The following SMIM14 variants were observed in gnomAD, a reference collection of about 807,000 sequenced individuals.
SMIM14 encodes the protein small integral membrane protein 14.
A neutral mutation model predicts 12.6 loss-of-function variants in SMIM14; 5 were observed. The observed-to-expected ratio is 0.40, with a 90% CI of 0.21 to 0.83. The LOEUF is 0.83. SMIM14 is among the 40% of genes least tolerant of loss of function. SMIM14 has a pLI of 0.37. For missense variants in SMIM14, 86 were observed against 119.1 expected, an observed-to-expected ratio of 0.72 and a Z score of 1.29; for synonymous variants, 30 against 40.1, an observed-to-expected ratio of 0.75 and a Z score of 0.95.
In SMIM14 at chr4:39,572,457, G is replaced by GTAGT; in HGVS notation, c.81_82insACTA (p.Gln28ThrfsTer22). 6.2e-7 allele frequency: 1 copy of GTAGT among 1,609,230 alleles called. No homozygotes were observed. Among genetic ancestry groups the GTAGT allele is most frequent in the Non-Finnish European group, 8.5e-7 (1 of 1,176,884 alleles). ...GTGTCTGTGCAGTAGGACTGGGACT[G>GTAGT]CCGTAACTACAATGAATAAGAAAGG... is the stretch of plus-strand genomic sequence containing the variant. On this transcript the variant is annotated frameshift_variant, in exon 3 of 5. Transcript: ENST00000295958. LOFTEE classifies it high-confidence loss of function.
At chr4:39,601,399 CAA>C (rs1442725308) in intron 2 of SMIM14, among the ~76,000 whole-genome samples, 2 of 152,108 alleles carry the variant, frequency 1.3e-5, no homozygotes, top group Non-Finnish European at 2.9e-5. Flanking sequence ...TACTCTATTA[CAA>C]AGATGAATTA....
intron 3 of SMIM14, among the ~76,000 whole-genome samples, chr4:39,559,048 A>G (rs1260934637): frequency 6.6e-6 from 1 of 152,186 alleles, no homozygotes; most frequent in Non-Finnish European, 1.5e-5. Flanking sequence ...GCTGTAACCA[A>G]GCTATCCACT....
chr4:39,614,221 G>A (rs1480270948), intron 1 of SMIM14, among the ~76,000 whole-genome samples: 1 of 149,220 alleles, frequency 6.7e-6, no homozygotes, highest in African/African-American at 2.5e-5. Context: ...CAAAATAATC[G>A]AGGAGCAGTA....
rs1473810150 is a variant in SMIM14 at position 39,619,750 on chromosome 4, TTTATTA to T, written c.-35-14576_-35-14571del. ...TAATTATATATATCAATAAATATAA[TTTATTA>T]TATATATATCAATAAATAATTTATT... On this transcript the variant is annotated intron_variant, in intron 1 of 4. Coordinates refer to ENST00000295958, the MANE Select transcript of SMIM14 (RefSeq NM_174921.3). 2.0e-3 allele frequency among the ~76,000 whole-genome samples: 82 copies of T among 40,834 alleles called. 2 individuals are homozygous for T. Among genetic ancestry groups the T allele is most frequent in the African/African-American group, 4.0e-3 (54 of 13,634 alleles). 26.8% of individuals were successfully genotyped at this position (40,834 alleles called of 152,430 possible). A position where few individuals can be genotyped will look rare whatever the true frequency, so the allele number is the denominator to read the frequency against.
rs1168446466 is a variant in SMIM14, at chr4:39,567,143, G to GAA, written c.124+5270_124+5271dup. On this transcript the variant is annotated intron_variant, in intron 3 of 4. Coordinates refer to ENST00000295958, the MANE Select transcript of SMIM14 (RefSeq NM_174921.3). The stretch of plus-strand genomic sequence containing the variant: ...AGAGCAAAACTCCATCTCAAAAAAA[G>GAA]AAAAAAAAAAAAAAAAAAAAAAAAA... Among the ~76,000 whole-genome samples, 199 of 72,114 alleles carry GAA rather than the reference G, an allele frequency of 2.8e-3. 2 individuals carry two copies. The highest frequency in any genetic ancestry group is 7.9e-3 in the African/African-American group (162 of 20,442). The allele number at this position is 72,114 out of a possible 152,430, so 47.3% of individuals were successfully genotyped here.
At chr4:39,623,987 C>A (rs1715599718) in intron 1 of SMIM14, among the ~76,000 whole-genome samples, 1 of 152,090 alleles carries the variant, frequency 6.6e-6, no homozygotes, top group Non-Finnish European at 1.5e-5. Context: ...AGAACGTATG[C>A]AATTAGTTTT....
At chr4:39,636,820 G>T (rs1052830351) in intron 1 of SMIM14, among the ~76,000 whole-genome samples, 8 of 152,082 alleles carry the variant, frequency 5.3e-5, no homozygotes, top group Non-Finnish European at 1.0e-4. Flanking sequence ...GGCACAGTAA[G>T]AGACTGACAA....
chr4:39,562,712 G>A (rs1241298155), intron 3 of SMIM14, among the ~76,000 whole-genome samples: 1 of 151,622 alleles, frequency 6.6e-6, no homozygotes, highest in African/African-American at 2.4e-5. Context: ...TCACTATGTT[G>A]CCCAGGCTGA....
At chr4:39,631,402 T>C (rs1253271892) in intron 1 of SMIM14, among the ~76,000 whole-genome samples, 2 of 151,326 alleles carry the variant, frequency 1.3e-5, no homozygotes, top group South Asian at 2.1e-4. Flanking sequence ...CTCATGCCTA[T>C]AATCCCAGCA....
At chr4:39,609,562 G>C (rs1338037897) in intron 1 of SMIM14, among the ~76,000 whole-genome samples, 1 of 152,176 alleles carries the variant, frequency 6.6e-6, no homozygotes, top group Non-Finnish European at 1.5e-5. Flanking sequence ...AGTATGACAT[G>C]TTGGAGGAAC....
intron 1 of SMIM14, among the ~76,000 whole-genome samples, chr4:39,610,670 G>T (rs949031402): frequency 2.0e-5 from 3 of 149,410 alleles, no homozygotes; most frequent in Non-Finnish European, 4.4e-5. Context: ...ACTCTAGCCT[G>T]AGTGACAGAA....
chr4:39,625,110 C>T (rs59580310), intron 1 of SMIM14, among the ~76,000 whole-genome samples: 10,785 of 147,398 alleles, frequency 0.073, 667 homozygotes, highest in East Asian at 0.25. Flanking sequence ...CCCAGCTACT[C>T]GGGAGGCTGA....
chr4:39,601,724 A>G (rs1221128151), intron 2 of SMIM14, among the ~76,000 whole-genome samples: 1 of 152,072 alleles, frequency 6.6e-6, no homozygotes, highest in Non-Finnish European at 1.5e-5. Context: ...AGGCGGGAGG[A>G]TCACTTGAGG....
intron 3 of SMIM14, among the ~76,000 whole-genome samples, chr4:39,564,423 G>A (rs544534015): frequency 3.9e-5 from 6 of 152,242 alleles, no homozygotes; most frequent in East Asian, 1.9e-4. Flanking sequence ...TTTGAGAGCT[G>A]ACATCATGCT....
intron 3 of SMIM14, among the ~76,000 whole-genome samples, chr4:39,556,980 T>C (rs1712048096): frequency 6.6e-6 from 1 of 151,806 alleles, no homozygotes; most frequent in Non-Finnish European, 1.5e-5. Context: ...TTATTTTTAG[T>C]AGAGACACTA....
intron 1 of SMIM14, among the ~76,000 whole-genome samples, chr4:39,624,755 C>T (rs531386494): frequency 4.5e-4 from 58 of 130,046 alleles, no homozygotes; most frequent in Middle Eastern, 4.8e-3. Context: ...ACCTAGGAGG[C>T]GGAGGTTGCA....
intron 3 of SMIM14, among the ~76,000 whole-genome samples, chr4:39,572,177 G>T (rs1475120765): frequency 1.3e-5 from 2 of 148,478 alleles, no homozygotes; most frequent in African/African-American, 5.0e-5. Context: ...AAAATTTTAA[G>T]TTAAAAAATG....
rs563920264 is a variant in SMIM14 at position 39,637,555 on chromosome 4, A to G, written c.-36+1184T>C. ...TGTTAACCACTGAAACACCTCAATT[A>G]ATGAGTTCTCGGGGGTGAAGCGGTG... On this transcript the variant is annotated intron_variant, in intron 1 of 4. Coordinates refer to ENST00000295958, the MANE Select transcript of SMIM14 (RefSeq NM_174921.3). 3.9e-5 allele frequency among the ~76,000 whole-genome samples: 6 copies of G among 152,078 alleles called. No homozygotes were observed. The South Asian group carries it at 6.2e-4, about 16-fold the overall frequency.
intron 1 of SMIM14, among the ~76,000 whole-genome samples, chr4:39,606,823 G>T (rs190689740): frequency 6.6e-6 from 1 of 152,086 alleles, no homozygotes. Context: ...AAGTTGGGGA[G>T]AAGAAACTAG....
Sources: allele counts gnomAD v4.1 joint callset (sites outside exome capture counted in the v4.1 genomes callset), GRCh38; gene constraint gnomAD v4.1.1; transcripts MANE v1.5; gene names NCBI Gene and HGNC (gene_info 2026-07-23, HGNC 2026-07-21).